Variants in PCDHGA2 observed in about 807,000 individuals in gnomAD.
The protein encoded by PCDHGA2 is protocadherin gamma subfamily A, 2.
A neutral mutation model predicts 59.2 loss-of-function variants in PCDHGA2; 40 were observed. The ratio of observed to expected loss-of-function variants is 0.68; its 90% CI spans 0.52 to 0.88. The LOEUF (loss-of-function observed/expected upper bound fraction) is 0.88, where lower values mean the gene tolerates loss of function less well. Ranked by LOEUF, PCDHGA2 falls within the 40% of genes least tolerant of loss-of-function variation. The pLI is 0.00. For missense variants in PCDHGA2, 1,226 were observed against 1,204.0 expected, an observed-to-expected ratio of 1.02 and a Z score of -0.27; for synonymous variants, 560 against 526.0, an observed-to-expected ratio of 1.06 and a Z score of -0.89.
rs753030509 is a variant in PCDHGA2, at chr5:141,431,672, G to A, written c.2425-63135G>A. On this transcript the variant is annotated intron_variant, in intron 1 of 3. Transcript: ENST00000394576. The surrounding 1 kb of genome is among the most constrained non-coding windows in gnomAD (Gnocchi z 4.8). ...TAATTCAGGGACAATATCAACAATA[G>A]GGGAGTTGGACCACGAGGAGTCAGG... The A allele has an allele frequency of 9.3e-6, 15 of 1,614,110 alleles. No homozygotes were observed. Among genetic ancestry groups the A allele is most frequent in the African/African-American group, 4.0e-5 (3 of 74,948 alleles).
intron 1 of PCDHGA2, chr5:141,393,436 A>G: frequency 1.2e-6 from 2 of 1,614,028 alleles, no homozygotes; most frequent in Middle Eastern, 1.6e-4. Flanking sequence ...GAGGCTGCTC[A>G]CCACCTGGTC....
chr5:141,498,254 G>A (rs550611179), intron 2 of PCDHGA2, among the ~76,000 whole-genome samples: 2 of 152,338 alleles, frequency 1.3e-5, no homozygotes, highest in East Asian at 3.9e-4. Context: ...AGCAGGGCTG[G>A]TGTTGAGTTC....
Position 141,432,229 on chromosome 5 carries a change from C to T in PCDHGA2, c.2425-62578C>T, listed in dbSNP as rs1246285803. Reference sequence around the variant, plus strand: ...AAGAGAACGCCCAGATCACTTATTCCCTGGCTGAGAACACCATCCAAGGGG... The same window carrying T: ...AAGAGAACGCCCAGATCACTTATTCTCTGGCTGAGAACACCATCCAAGGGG... On this transcript the variant is annotated intron_variant, in intron 1 of 3. Coordinates refer to ENST00000394576, the MANE Select transcript of PCDHGA2 (RefSeq NM_018915.4). The surrounding 1 kb of genome is among the most constrained non-coding windows in gnomAD (Gnocchi z 6.0). The T allele has an allele frequency of 6.2e-7, 1 of 1,614,232 alleles. No homozygotes were observed.
chr5:141,343,250 T>G (rs993656367), intron 1 of PCDHGA2: 9 of 931,170 alleles, frequency 9.7e-6, no homozygotes, highest in Non-Finnish European at 1.2e-5. Context: ...ATATCGAAAC[T>G]AAGTTATCAG....
chr5:141,370,350 A>G (rs1454225178), intron 1 of PCDHGA2: 1 of 1,496,326 alleles, frequency 6.7e-7, no homozygotes, highest in Non-Finnish European at 9.0e-7. Flanking sequence ...TTATTTAAAG[A>G]TCTCCTCTCC....
chr5:141,362,331 C>A, intron 1 of PCDHGA2: 1 of 1,614,076 alleles, frequency 6.2e-7, no homozygotes. Flanking sequence ...CTGGTCTCAG[C>A]TCCAAGCCTG....
At chr5:141,474,965 A>T (rs1268347441) in intron 1 of PCDHGA2, among the ~76,000 whole-genome samples, 1 of 152,236 alleles carries the variant, frequency 6.6e-6, no homozygotes, top group Non-Finnish European at 1.5e-5. Context: ...TATCCTAATC[A>T]TTATAATTTT....
At chr5:141,468,409 A>G (rs183146641) in intron 1 of PCDHGA2, 1 of 152,230 alleles carries the variant, frequency 6.6e-6, no homozygotes, top group East Asian at 1.9e-4. Flanking sequence ...AACTAATAAT[A>G]AGTTAGATAG....
chr5:141,340,640 G>T lies in PCDHGA2; in HGVS notation c.1669G>T (p.Asp557Tyr). 6.2e-7 allele frequency: 1 copy of T among 1,614,220 alleles called. No individual in the cohort carries two copies. The highest frequency in any genetic ancestry group is 8.5e-7 in the Non-Finnish European group (1 of 1,180,038). The change falls in exon 1 of 4, where the codon GAC (aspartate) becomes TAC (tyrosine). Residue 557 changes from aspartate to tyrosine, a missense_variant. Coordinates refer to ENST00000394576, the MANE Select transcript of PCDHGA2 (RefSeq NM_018915.4). ...AAGCCTGTTCGTGCTGGACCAGAAC[G>T]ACAACGCGCCCGAGATCCTGTACCC... Reference protein sequence around the residue: ...SLSLFVLDQNDNAPEILYPAF... With the variant: ...SLSLFVLDQNYNAPEILYPAF...
At chr5:141,433,060 C>T in intron 1 of PCDHGA2, 1 of 1,614,198 alleles carries the variant, frequency 6.2e-7, no homozygotes, top group Non-Finnish European at 8.5e-7. Flanking sequence ...GGAAGAGTCA[C>T]CTGATCTTCC....
intron 1 of PCDHGA2, among the ~76,000 whole-genome samples, chr5:141,438,792 G>T (rs2098065674): frequency 6.7e-6 from 1 of 149,346 alleles, no homozygotes. Flanking sequence ...CTCTCCAGTA[G>T]CTGGGATTAC....
rs182132552 is a variant in PCDHGA2 at position 141,435,146 on chromosome 5, T to A, written c.2425-59661T>A. Among the ~76,000 whole-genome samples the A allele has an allele frequency of 4.6e-3, 696 of 152,288 alleles. 5 individuals carry two copies. Among genetic ancestry groups the A allele is most frequent in the African/African-American group, 0.016 (677 of 41,554 alleles). ...ATGGAAAATATAAATAAAATTGTGA[T>A]AAACTTTTGTAAATAGAGTGGCTTT... On this transcript the variant is annotated intron_variant, in intron 1 of 3. Transcript: ENST00000394576.
At chr5:141,373,899 T>C in intron 1 of PCDHGA2, 1 of 545,494 alleles carries the variant, frequency 1.8e-6, no homozygotes. Flanking sequence ...TCAAGTTACA[T>C]CCTCCAACAA....
Position 141,361,114 on chromosome 5 carries a change from C to G in PCDHGA2, c.2424+19719C>G, listed in dbSNP as rs1440406378. 11 of 1,613,872 alleles carry G rather than the reference C, an allele frequency of 6.8e-6. No individual in the cohort carries two copies. The highest frequency in any genetic ancestry group is 4.5e-5 in the East Asian group (2 of 44,896). On this transcript the variant is annotated intron_variant, in intron 1 of 3. Coordinates refer to ENST00000394576, the MANE Select transcript of PCDHGA2 (RefSeq NM_018915.4). Reference sequence around the variant, plus strand: ...TATCGAAGCAAAAGATCCTGGAGATCTAGCAGCCCACTGCAGTATCCAAGT... The same window carrying G: ...TATCGAAGCAAAAGATCCTGGAGATGTAGCAGCCCACTGCAGTATCCAAGT...
intron 1 of PCDHGA2, chr5:141,343,301 T>C: frequency 3.1e-6 from 3 of 971,160 alleles, no homozygotes; most frequent in Non-Finnish European, 3.7e-6. Flanking sequence ...TGTATAAATA[T>C]GGCTGATTTC....
At position 141,490,645 on chromosome 5, in the gene PCDHGA2, C is replaced by G; in HGVS notation, c.2425-4162C>G. ...TGCTTACATCCTAGAAAACCGGCCTCCGGGCTCCCTTCTTTGCACTGTGGC... is the reference window on the plus strand; with the variant it reads ...TGCTTACATCCTAGAAAACCGGCCTGCGGGCTCCCTTCTTTGCACTGTGGC... On this transcript the variant is annotated intron_variant, in intron 1 of 3. Transcript: ENST00000394576. The surrounding 1 kb of genome is among the most constrained non-coding windows in gnomAD (Gnocchi z 5.4). 6.2e-7 allele frequency: 1 copy of G among 1,614,220 alleles called. No homozygotes were observed. Among genetic ancestry groups the G allele is most frequent in the Non-Finnish European group, 8.5e-7 (1 of 1,180,022 alleles).
intron 1 of PCDHGA2, chr5:141,427,774 G>T: frequency 1.4e-6 from 2 of 1,420,908 alleles, no homozygotes; most frequent in Non-Finnish European, 2.0e-6. Context: ...TTGGAGCTGC[G>T]GGCACTGTCG....
chr5:141,371,455 A>G (rs1030277886), intron 1 of PCDHGA2: 3 of 1,613,904 alleles, frequency 1.9e-6, no homozygotes, highest in Non-Finnish European at 2.5e-6. Context: ...TCTGAATCCC[A>G]ACATATACAA....
At chr5:141,349,984 C>T (rs769244141) in intron 1 of PCDHGA2, 1 of 306,668 alleles carries the variant, frequency 3.3e-6, no homozygotes. Flanking sequence ...CAAGAGGTTG[C>T]GCTTTGAGGA....
Sources: allele counts gnomAD v4.1 joint callset (sites outside exome capture counted in the v4.1 genomes callset), GRCh38; gene constraint gnomAD v4.1.1; non-coding constraint Gnocchi (gnomAD v3.1); transcripts MANE v1.5; gene names NCBI Gene and HGNC (gene_info 2026-07-23, HGNC 2026-07-21).